EPHA5: variants seen among roughly 807,000 people sequenced by gnomAD.
The protein encoded by EPHA5 is EPH receptor A5.
EPHA5 carries 60 observed loss-of-function variants against 105.0 expected under a neutral mutation model. The ratio of observed to expected loss-of-function variants is 0.57; its 90% CI spans 0.46 to 0.71. The LOEUF (loss-of-function observed/expected upper bound fraction) is 0.71, where lower values mean the gene tolerates loss of function less well. Among genes scored for constraint, EPHA5 ranks in the 30% least tolerant of loss-of-function variants. EPHA5 has a pLI of 0.00. For missense variants in EPHA5, 1,218 were observed against 1,274.7 expected, an observed-to-expected ratio of 0.96 and a Z score of 0.68; for synonymous variants, 513 against 449.1, an observed-to-expected ratio of 1.14 and a Z score of -1.80.
intron 15 of EPHA5, 100 bp from the exon 16 acceptor site, chr4:65,332,228 G>T: frequency 1.0e-6 from 1 of 954,758 alleles, no homozygotes; most frequent in Non-Finnish European, 1.5e-6. Flanking sequence ...CTTTGAGTCT[G>T]TAAGTATATT....
At chr4:65,520,446 C>G (rs905279515) in intron 3 of EPHA5, among the ~76,000 whole-genome samples, 1 of 152,156 alleles carries the variant, frequency 6.6e-6, no homozygotes, top group African/African-American at 2.4e-5. Context: ...CTAAGCAATA[C>G]CATTCAGGTC....
At chr4:65,442,385 C>T (rs1298111859) in intron 5 of EPHA5, among the ~76,000 whole-genome samples, 1 of 152,116 alleles carries the variant, frequency 6.6e-6, no homozygotes, top group Non-Finnish European at 1.5e-5. Context: ...GAACTCTCAC[C>T]AAAAATGAAT....
rs74395221 is a variant in EPHA5, at chr4:65,514,863, C to A, written c.911-19320G>T. 5.9e-5 allele frequency among the ~76,000 whole-genome samples: 9 copies of A among 152,220 alleles called. No individual in the cohort carries two copies. In the East Asian group the frequency reaches 9.7e-4, roughly 16 times the overall value. On this transcript the variant is annotated intron_variant, in intron 3 of 16. Transcript: ENST00000613740. ...TAATTAAAGTGTGCATGAACACAAG[C>A]CTTCCACAACACCTAGGCCCTTGAC... is the stretch of plus-strand genomic sequence containing the variant.
intron 4 of EPHA5, among the ~76,000 whole-genome samples, chr4:65,492,810 T>C (rs1345720381): frequency 6.6e-6 from 1 of 152,128 alleles, no homozygotes; most frequent in African/African-American, 2.4e-5. Context: ...TACCCAGTAA[T>C]GGGATTGCTG....
At chr4:65,541,613 G>A (rs1293772108) in intron 3 of EPHA5, among the ~76,000 whole-genome samples, 1 of 151,866 alleles carries the variant, frequency 6.6e-6, no homozygotes, top group East Asian at 1.9e-4. Context: ...AGTTCTTAGA[G>A]ACCTACAAAG....
rs1731333823 is a variant in EPHA5, at chr4:65,490,825, TA to T, written c.1067-114del. 5 of 1,102,546 alleles carry T rather than the reference TA, an allele frequency of 4.5e-6. No homozygotes were observed. The South Asian group carries it at 6.6e-5, about 15-fold the overall frequency. The allele number at this position is 1,102,546 out of a possible 1,614,324, so 68.3% of individuals were successfully genotyped here. On this transcript the variant is annotated intron_variant, in intron 4 of 16. Coordinates refer to ENST00000613740, the MANE Select transcript of EPHA5 (RefSeq NM_001281766.3). ...AAAAATAGATTTGCAATAAGTCCTT[TA>T]AGTCATAATTTGTAGTTTTGTTTTC...
chr4:65,386,304 A>T (rs887086116), intron 8 of EPHA5, among the ~76,000 whole-genome samples: 1 of 151,986 alleles, frequency 6.6e-6, no homozygotes, highest in Non-Finnish European at 1.5e-5. Context: ...AAATTTAATT[A>T]TAAATGCACA....
chr4:65,392,571 T>C (rs1031295011), intron 8 of EPHA5, among the ~76,000 whole-genome samples: 2 of 152,098 alleles, frequency 1.3e-5, no homozygotes, highest in Non-Finnish European at 2.9e-5. Flanking sequence ...ATCATGACAA[T>C]GGTATAAGCA....
At chr4:65,512,592 C>T (rs1211461330) in intron 3 of EPHA5, among the ~76,000 whole-genome samples, 2 of 152,070 alleles carry the variant, frequency 1.3e-5, no homozygotes, top group Admixed American at 6.6e-5. Context: ...ATCTGAAGTG[C>T]CGGCTTCTCC....
chr4:65,633,407 G>GA (rs1301113624), intron 2 of EPHA5, among the ~76,000 whole-genome samples: 3 of 151,728 alleles, frequency 2.0e-5, no homozygotes, highest in African/African-American at 7.3e-5. Context: ...AAACCACTTG[G>GA]AAAAAATACC....
intron 16 of EPHA5, chr4:65,331,551 C>T (rs11938753): frequency 0.25 from 263,538 of 1,054,800 alleles, 33,201 homozygotes; most frequent in East Asian, 0.35. Context: ...TGATATTCAT[C>T]GTAGAGAGCC....
intron 3 of EPHA5, among the ~76,000 whole-genome samples, chr4:65,580,491 C>A (rs1035659367): frequency 6.6e-6 from 1 of 151,734 alleles, no homozygotes; most frequent in African/African-American, 2.4e-5. Flanking sequence ...GTCCAGAAAA[C>A]CCATTTTGAA....
intron 4 of EPHA5, among the ~76,000 whole-genome samples, chr4:65,492,576 C>G (rs1731520184): frequency 6.7e-6 from 1 of 149,356 alleles, no homozygotes; most frequent in Admixed American, 6.7e-5. Context: ...CCACCTTGAC[C>G]ATGTTTGAAT....
chr4:65,643,705 A>T (rs1387636403), intron 1 of EPHA5, among the ~76,000 whole-genome samples: 1 of 151,904 alleles, frequency 6.6e-6, no homozygotes, highest in South Asian at 2.1e-4. Flanking sequence ...TTAAAAAAAA[A>T]GCTAATAAGG....
chr4:65,433,550 A>G (rs569821842), intron 5 of EPHA5, among the ~76,000 whole-genome samples: 1 of 152,302 alleles, frequency 6.6e-6, no homozygotes, highest in South Asian at 2.1e-4. Context: ...CCTATCATAT[A>G]AATTTCCTAT....
intron 3 of EPHA5, among the ~76,000 whole-genome samples, chr4:65,540,241 A>G (rs1407976825): frequency 6.6e-6 from 1 of 151,618 alleles, no homozygotes; most frequent in African/African-American, 2.4e-5. Flanking sequence ...TTGAAAAGTA[A>G]TATTTTTCAA....
intron 3 of EPHA5, among the ~76,000 whole-genome samples, chr4:65,513,322 T>A (rs946541888): frequency 6.6e-5 from 10 of 152,190 alleles, no homozygotes. Context: ...TGAAAATTAT[T>A]CCTAATTCTG....
chr4:65,467,958 G>C (rs2149150726), intron 5 of EPHA5, among the ~76,000 whole-genome samples: 1 of 152,252 alleles, frequency 6.6e-6, no homozygotes, highest in South Asian at 2.1e-4. Flanking sequence ...CTTTCCTCTA[G>C]AACCTAGAAA....
intron 8 of EPHA5, among the ~76,000 whole-genome samples, chr4:65,384,941 C>G (rs562603191): frequency 1.3e-5 from 2 of 151,472 alleles, no homozygotes; most frequent in Non-Finnish European, 2.9e-5. Flanking sequence ...TGAGCTCTTC[C>G]TCCCCCAGTC....
Sources: gnomAD v4.1 joint callset for allele counts (sites outside exome capture counted in the v4.1 genomes callset) on GRCh38, gnomAD v4.1.1 for gene constraint, MANE v1.5 for transcripts, NCBI Gene and HGNC (gene_info 2026-07-23, HGNC 2026-07-21) for gene names.